Variants in KCNMA1 observed in about 807,000 individuals in gnomAD.
KCNMA1 encodes the protein potassium calcium-activated channel subfamily M alpha 1, also known as Calcium-activated potassium channel subunit alpha-1.
In KCNMA1, 29 loss-of-function variants were observed where a neutral mutation model predicts 140.0. The ratio of observed to expected loss-of-function variants is 0.21; its 90% confidence interval spans 0.15 to 0.28. KCNMA1 has a LOEUF of 0.28. Among genes scored for constraint, KCNMA1 ranks in the 10% least tolerant of loss-of-function variants. The pLI is 1.00. For missense variants in KCNMA1, 880 were observed against 1,602.2 expected (o/e 0.55, Z 7.70); for synonymous variants, 612 against 611.9 (o/e 1.00, Z 0.00).
chr10:77,476,787 G>T (rs1034346356), intron 1 of KCNMA1, among the ~76,000 whole-genome samples: 5 of 152,178 alleles, frequency 3.3e-5, no homozygotes, highest in African/African-American at 1.2e-4. Flanking sequence ...AAAAGAGGTC[G>T]GGGCACCTCC....
intron 1 of KCNMA1, among the ~76,000 whole-genome samples, chr10:77,622,873 A>T (rs906264719): frequency 6.6e-6 from 1 of 152,242 alleles, no homozygotes; most frequent in Admixed American, 6.5e-5. Context: ...TAAATGCAAG[A>T]CCTGAGGAGG....
At chr10:77,637,006 C>A (rs2093820350) in intron 1 of KCNMA1, 2 of 1,414,130 alleles carry the variant, frequency 1.4e-6, no homozygotes, top group Non-Finnish European at 1.8e-6. Flanking sequence ...CGCCAACAAC[C>A]CTACAATAAA....
chr10:77,146,081 T>C (rs943827200), intron 5 of KCNMA1, among the ~76,000 whole-genome samples: 3 of 152,232 alleles, frequency 2.0e-5, no homozygotes, highest in African/African-American at 7.2e-5. Flanking sequence ...GATACAAATG[T>C]GATTTGCTCT....
intron 19 of KCNMA1, among the ~76,000 whole-genome samples, chr10:76,984,236 C>A (rs1323478500): frequency 6.6e-6 from 1 of 151,744 alleles, no homozygotes; most frequent in East Asian, 1.9e-4. Context: ...GCTCTGTCAC[C>A]CAGGCTCCCA....
intron 2 of KCNMA1, among the ~76,000 whole-genome samples, chr10:77,276,002 A>C (rs1446956990): frequency 2.0e-5 from 3 of 152,138 alleles, no homozygotes; most frequent in African/African-American, 7.2e-5. Context: ...AACCTTCCTC[A>C]AACGGTGTCC....
At chr10:77,476,084 G>A (rs1009564191) in intron 1 of KCNMA1, among the ~76,000 whole-genome samples, 20 of 152,246 alleles carry the variant, frequency 1.3e-4, no homozygotes, top group African/African-American at 3.9e-4. Context: ...CAGGCCGCAC[G>A]GTGCTGGCCT....
At chr10:77,025,242 G>GTGTATATATATA (rs1436772387) in intron 16 of KCNMA1, among the ~76,000 whole-genome samples, 23 of 42,756 alleles carry the variant, frequency 5.4e-4, no homozygotes, top group Non-Finnish European at 8.5e-4. Context: ...GGGTGTGTGT[G>GTGTATATATATA]TATATATATA....
intron 1 of KCNMA1, among the ~76,000 whole-genome samples, chr10:77,469,689 G>A (rs2098111741): frequency 6.6e-6 from 1 of 152,222 alleles, no homozygotes; most frequent in South Asian, 2.1e-4. Flanking sequence ...CAAGGAGCCA[G>A]GGATTCAGTG....
chr10:77,587,728 GT>G, intron 1 of KCNMA1: 1 of 985,420 alleles, frequency 1.0e-6, no homozygotes, highest in African/African-American at 1.7e-5. Context: ...TGCAGAGGCT[GT>G]TTTGCTTTCC....
At chr10:77,015,728 A>G (rs894458200) in intron 17 of KCNMA1, among the ~76,000 whole-genome samples, 11 of 152,032 alleles carry the variant, frequency 7.2e-5, no homozygotes, top group South Asian at 6.3e-4. Flanking sequence ...GATCAACACA[A>G]TCTAAGCCCT....
chr10:77,368,871 C>G (rs1453026383), intron 2 of KCNMA1, among the ~76,000 whole-genome samples: 2 of 152,172 alleles, frequency 1.3e-5, no homozygotes, highest in Non-Finnish European at 2.9e-5. Context: ...TTTTTGGACT[C>G]TAGTCTACTC....
At chr10:76,982,801 GC>G (rs2079958560) in intron 19 of KCNMA1, among the ~76,000 whole-genome samples, 1 of 152,182 alleles carries the variant, frequency 6.6e-6, no homozygotes, top group Non-Finnish European at 1.5e-5. Context: ...AGCTCGCTCA[GC>G]CCACTTTCCT....
intron 2 of KCNMA1, among the ~76,000 whole-genome samples, chr10:77,260,976 T>A (rs968461553): frequency 6.6e-6 from 1 of 152,192 alleles, no homozygotes; most frequent in Non-Finnish European, 1.5e-5. Flanking sequence ...TTGTGTGTAT[T>A]TGTATGCACA....
intron 1 of KCNMA1, among the ~76,000 whole-genome samples, chr10:77,486,365 A>G (rs899773887): frequency 3.9e-5 from 6 of 152,084 alleles, no homozygotes; most frequent in East Asian, 1.9e-4. Flanking sequence ...TTCCTTTTGG[A>G]GTGATCTCGG....
In KCNMA1 at chr10:76,893,103, T is replaced by C. The variant is rs561599083; in HGVS notation, c.3148-1384A>G. Among the ~76,000 whole-genome samples, 5 of 151,796 alleles carry C rather than the reference T, an allele frequency of 3.3e-5. No homozygotes were observed. The East Asian group carries it at 9.7e-4, about 30-fold the overall frequency. ...AGGGATCCAGAGCTGGGCTGAGGGGTTTAATGCTGACTTCACCTCTCAGAA... is the reference window on the plus strand; with the variant it reads ...AGGGATCCAGAGCTGGGCTGAGGGGCTTAATGCTGACTTCACCTCTCAGAA... On this transcript the variant is annotated intron_variant, in intron 25 of 27. Transcript: ENST00000286628.
intron 3 of KCNMA1, among the ~76,000 whole-genome samples, chr10:77,200,284 T>C (rs570863355): frequency 1.3e-5 from 2 of 152,306 alleles, no homozygotes; most frequent in South Asian, 4.1e-4. Context: ...AGTGGTACCA[T>C]TATCTTGTCT....
At chr10:77,633,614 G>A (rs2093440731) in intron 1 of KCNMA1, among the ~76,000 whole-genome samples, 1 of 152,214 alleles carries the variant, frequency 6.6e-6, no homozygotes, top group Admixed American at 6.5e-5. Context: ...AAGCTGTAAT[G>A]GGATCTGATA....
chr10:77,413,848 C>T (rs1312800218), intron 1 of KCNMA1, among the ~76,000 whole-genome samples: 3 of 152,184 alleles, frequency 2.0e-5, no homozygotes, highest in Non-Finnish European at 2.9e-5. Context: ...ACACTGTCCA[C>T]AGATTCAGGC....
At chr10:77,553,475 G>C (rs1285845446) in intron 1 of KCNMA1, among the ~76,000 whole-genome samples, 1 of 152,316 alleles carries the variant, frequency 6.6e-6, no homozygotes, top group Non-Finnish European at 1.5e-5. Context: ...GTGAGCACCA[G>C]CCCAAGAAGT....
Sources: allele counts gnomAD v4.1 joint callset (sites outside exome capture counted in the v4.1 genomes callset), GRCh38; gene constraint gnomAD v4.1.1; transcripts MANE v1.5; gene names NCBI Gene and HGNC (gene_info 2026-07-23, HGNC 2026-07-21).